Variants in RIMS2 observed in about 807,000 individuals in gnomAD.
The protein encoded by RIMS2 is regulating synaptic membrane exocytosis protein 2.
A neutral mutation model predicts 174.4 loss-of-function variants in RIMS2; 59 were observed. The ratio of observed to expected loss-of-function variants is 0.34; its 90% CI spans 0.27 to 0.42. RIMS2 has a LOEUF of 0.42. RIMS2 is among the 10% of genes least tolerant of loss of function. The pLI, the probability that RIMS2 is intolerant of heterozygous loss-of-function variation, is 1.00. For synonymous variants in RIMS2, 606 were observed against 572.5 expected (o/e 1.06, Z -0.84); for missense variants, 1,620 against 1,666.3 (o/e 0.97, Z 0.48).
chr8:103,609,744 A>T (rs902526911), intron 1 of RIMS2, among the ~76,000 whole-genome samples: 1 of 152,128 alleles, frequency 6.6e-6, no homozygotes, highest in African/African-American at 2.4e-5. Flanking sequence ...AGCCTTGTAT[A>T]GTTTGAAGTT....
intron 1 of RIMS2, among the ~76,000 whole-genome samples, chr8:103,696,065 T>C (rs2097097167): frequency 6.6e-6 from 1 of 152,038 alleles, no homozygotes; most frequent in Non-Finnish European, 1.5e-5. Flanking sequence ...TTCATTTCCA[T>C]TTTTTTTCTG....
intron 1 of RIMS2, among the ~76,000 whole-genome samples, chr8:103,623,613 T>C (rs900153785): frequency 4.0e-5 from 6 of 149,824 alleles, no homozygotes; most frequent in Admixed American, 6.7e-5. Flanking sequence ...GCCTCCCGAG[T>C]AGCTGGGACT....
intron 1 of RIMS2, among the ~76,000 whole-genome samples, chr8:103,514,576 C>T (rs1828045261): frequency 6.6e-6 from 1 of 151,448 alleles, no homozygotes; most frequent in South Asian, 2.1e-4. Context: ...TCAATATCTA[C>T]AATGAGACAC....
chr8:103,643,451 C>T (rs77398579), intron 1 of RIMS2, among the ~76,000 whole-genome samples: 13 of 151,920 alleles, frequency 8.6e-5, no homozygotes, highest in East Asian at 5.8e-4. Context: ...ACTTAGAATG[C>T]CTTGTAATTT....
chr8:103,534,739 A>G (rs1277120529), intron 1 of RIMS2, among the ~76,000 whole-genome samples: 1 of 152,218 alleles, frequency 6.6e-6, no homozygotes, highest in Admixed American at 6.5e-5. Context: ...CATTATTCTC[A>G]TCAGTAGACC....
intron 20 of RIMS2, among the ~76,000 whole-genome samples, chr8:104,247,112 G>A (rs2099338086): frequency 6.6e-6 from 1 of 152,136 alleles, no homozygotes; most frequent in African/African-American, 2.4e-5. Context: ...GCATTAGTGA[G>A]GTCAGATTCT....
chr8:103,523,419 G>A (rs1832655080), intron 1 of RIMS2, among the ~76,000 whole-genome samples: 1 of 151,866 alleles, frequency 6.6e-6, no homozygotes, highest in African/African-American at 2.4e-5. Context: ...TGTGTGTGTG[G>A]TGAGTTAGGA....
chr8:104,017,651 A>G (rs1055633113), intron 19 of RIMS2, among the ~76,000 whole-genome samples: 4 of 152,290 alleles, frequency 2.6e-5, no homozygotes, highest in East Asian at 1.9e-4. Context: ...AGTTATCCAC[A>G]TATTACAAAT....
chr8:103,737,914 T>C (rs1177931937), intron 2 of RIMS2, among the ~76,000 whole-genome samples: 1 of 152,202 alleles, frequency 6.6e-6, no homozygotes, highest in Non-Finnish European at 1.5e-5. Flanking sequence ...CATATCACTC[T>C]GATTTTTCTT....
intron 19 of RIMS2, among the ~76,000 whole-genome samples, chr8:104,048,055 T>C (rs1294904773): frequency 6.6e-6 from 1 of 152,066 alleles, no homozygotes; most frequent in Non-Finnish European, 1.5e-5. Context: ...AAAGCCATCC[T>C]AAAAATAAAA....
chr8:103,694,934 G>A (rs915933594), intron 1 of RIMS2, among the ~76,000 whole-genome samples: 1 of 152,184 alleles, frequency 6.6e-6, no homozygotes, highest in Non-Finnish European at 1.5e-5. Flanking sequence ...TTTGGCACTG[G>A]AGTGGGCCTG....
At chr8:103,739,131 A>C (rs1054241674) in intron 2 of RIMS2, among the ~76,000 whole-genome samples, 2 of 152,208 alleles carry the variant, frequency 1.3e-5, no homozygotes, top group East Asian at 1.9e-4. Flanking sequence ...AACCAACCCA[A>C]ATGTCCATCA....
At chr8:104,116,275 G>A (rs891972478) in intron 19 of RIMS2, among the ~76,000 whole-genome samples, 1 of 152,092 alleles carries the variant, frequency 6.6e-6, no homozygotes, top group African/African-American at 2.4e-5. Context: ...ATAATAGGAT[G>A]TTCTATAAAT....
At chr8:103,530,882 A>C (rs1173888715) in intron 1 of RIMS2, among the ~76,000 whole-genome samples, 1 of 152,000 alleles carries the variant, frequency 6.6e-6, no homozygotes, top group Non-Finnish European at 1.5e-5. Flanking sequence ...TCTTGCTTTG[A>C]AGTGCTGGTT....
chr8:104,113,290 CTAACGCTA>C (rs1360601907), intron 19 of RIMS2, among the ~76,000 whole-genome samples: 2 of 152,064 alleles, frequency 1.3e-5, no homozygotes, highest in African/African-American at 4.8e-5. Flanking sequence ...GATGAATGCT[CTAACGCTA>C]TACGATATCA....
chr8:103,628,399 G>A (rs1403429649), intron 1 of RIMS2, among the ~76,000 whole-genome samples: 1 of 149,956 alleles, frequency 6.7e-6, no homozygotes, highest in Non-Finnish European at 1.5e-5. Context: ...TGTTGCCCAG[G>A]CCTGGAGTAC....
chr8:103,604,942 C>A (rs201597905), intron 1 of RIMS2, among the ~76,000 whole-genome samples: 12,029 of 49,388 alleles, frequency 0.24, 1,316 homozygotes, highest in East Asian at 0.6. Flanking sequence ...ATGTCATCTG[C>A]AAACAGGGAC....
At chr8:103,946,026 G>A (rs555146008) in intron 14 of RIMS2, among the ~76,000 whole-genome samples, 19 of 152,246 alleles carry the variant, frequency 1.2e-4, no homozygotes, top group African/African-American at 4.6e-4. Flanking sequence ...AGAATGGTGA[G>A]GGAGAAGAGA....
At chr8:104,110,239 A>G (rs1385028751) in intron 19 of RIMS2, among the ~76,000 whole-genome samples, 1 of 152,140 alleles carries the variant, frequency 6.6e-6, no homozygotes, top group Non-Finnish European at 1.5e-5. Context: ...GTAGTGATAA[A>G]AATTATACCG....
Sources: allele counts gnomAD v4.1 joint callset (sites outside exome capture counted in the v4.1 genomes callset), GRCh38; gene constraint gnomAD v4.1.1; transcripts MANE v1.5; gene names NCBI Gene and HGNC (gene_info 2026-07-23, HGNC 2026-07-21).